PLEKHG1: variants seen among roughly 807,000 people sequenced by gnomAD.
PLEKHG1 encodes pleckstrin homology domain-containing family G member 1.
A neutral mutation model predicts 100.8 loss-of-function variants in PLEKHG1; 44 were observed. The observed-to-expected ratio is 0.44, with a 90% CI of 0.34 to 0.56. PLEKHG1 has a LOEUF of 0.56. PLEKHG1 is among the 20% of genes least tolerant of loss of function. The probability of loss-of-function intolerance (pLI) is 0.01; values close to 1 mark genes in which losing one functional copy is unlikely to be tolerated. For synonymous variants in PLEKHG1, 640 were observed against 662.5 expected (o/e 0.97, Z 0.52); for missense variants, 1,545 against 1,720.9 (o/e 0.90, Z 1.81).
At chr6:150,646,877 T>C (rs1361002167) in intron 2 of PLEKHG1, among the ~76,000 whole-genome samples, 1 of 152,204 alleles carries the variant, frequency 6.6e-6, no homozygotes, top group Non-Finnish European at 1.5e-5. Context: ...TTTCTGGAAA[T>C]TCATGGGAGG....
rs184940682 is a variant in PLEKHG1, at chr6:150,655,536, G to A, written c.-99+4750G>A. Among the ~76,000 whole-genome samples the A allele has an allele frequency of 6.0e-4, 91 of 151,818 alleles. 1 individual carries two copies. The highest frequency in any genetic ancestry group is 1.0e-3 in the South Asian group (5 of 4,800). Reference sequence around the variant, plus strand: ...ATCCTGGCTAACACGATGAAACCCCGTCTGTACTAAAAATACGAAAGATTA... The same window carrying A: ...ATCCTGGCTAACACGATGAAACCCCATCTGTACTAAAAATACGAAAGATTA... On this transcript the variant is annotated intron_variant, in intron 3 of 3. Coordinates refer to the PLEKHG1 transcript ENST00000367326.
chr6:150,676,627 G>C (rs1048895294), intron 3 of PLEKHG1, among the ~76,000 whole-genome samples: 2 of 152,200 alleles, frequency 1.3e-5, no homozygotes. Flanking sequence ...GCTAGAAGCT[G>C]TGAGAAATGG....
At chr6:150,776,846 T>C (rs1035561788) in intron 3 of PLEKHG1, among the ~76,000 whole-genome samples, 24 of 151,490 alleles carry the variant, frequency 1.6e-4, no homozygotes, top group Non-Finnish European at 3.2e-4. Context: ...CGGTTGCACA[T>C]CAGCCACACT....
chr6:150,829,048 C>T (rs1190982675), intron 14 of PLEKHG1, among the ~76,000 whole-genome samples: 1 of 152,058 alleles, frequency 6.6e-6, no homozygotes, highest in African/African-American at 2.4e-5. Context: ...TCCTCTCTTC[C>T]CTCTCTAATA....
chr6:150,807,956 G>A (rs375495513), intron 7 of PLEKHG1, among the ~76,000 whole-genome samples: 16 of 152,086 alleles, frequency 1.1e-4, no homozygotes, highest in Non-Finnish European at 5.9e-5. Context: ...ACAACAGAGC[G>A]AGACTCTGTC....
In PLEKHG1 at chr6:150,683,844, G is replaced by C. The variant is rs1427250897; in HGVS notation, c.-99+33058G>C. 6.2e-6 allele frequency: 8 copies of C among 1,285,564 alleles called. No individual in the cohort carries two copies. Among genetic ancestry groups the C allele is most frequent in the East Asian group, 1.1e-4 (2 of 17,984 alleles). 79.6% of individuals were successfully genotyped at this position (1,285,564 alleles called of 1,614,324 possible). ...TGTTCTGGGCCAAAGCATCACAGGC[G>C]AGTGAAATATGGGAATATTGAAGGG... On this transcript the variant is annotated intron_variant, in intron 3 of 3. Coordinates refer to the PLEKHG1 transcript ENST00000367326. This position sits in a 1 kb window ranked among gnomAD's most constrained non-coding sequence, Gnocchi z 4.0.
chr6:150,655,707 CAAAAAAAAAAAAA>C (rs775753925), intron 3 of PLEKHG1, among the ~76,000 whole-genome samples: 1 of 38,358 alleles, frequency 2.6e-5, no homozygotes, highest in Non-Finnish European at 5.3e-5. Context: ...GACTCCATCT[CAAAAAAAAAAAAA>C]AAAAAAAAAA....
At chr6:150,839,263 C>T (rs1183161927) in intron 15 of PLEKHG1, among the ~76,000 whole-genome samples, 2 of 152,088 alleles carry the variant, frequency 1.3e-5, no homozygotes, top group Non-Finnish European at 2.9e-5. Context: ...TACAGGTGCA[C>T]GCCACCATGC....
At position 150,831,287 on chromosome 6, in the gene PLEKHG1, G is replaced by C. The variant is rs1378064460; in HGVS notation, c.2176G>C (p.Ala726Pro). The change falls in exon 15 of 16, where the codon GCA becomes CCA. Residue 726 changes from alanine (A) to proline (P), a missense_variant. By Grantham distance (27) the Ala-to-Pro change is conservative. Coordinates refer to ENST00000358517, the Ensembl canonical transcript of PLEKHG1. The surrounding 1 kb of genome is among the most constrained non-coding windows in gnomAD (Gnocchi z 4.1). ...AGATGGCACCCTCTCAGGTGGAGAG[G>C]CATCCAGCCAAAGCACGCATGAACT... The C allele has an allele frequency of 5.6e-6, 9 of 1,614,108 alleles. No individual in the cohort carries two copies.
chr6:150,812,708 A>G (rs1397406282), intron 10 of PLEKHG1, among the ~76,000 whole-genome samples: 2 of 152,200 alleles, frequency 1.3e-5, no homozygotes, highest in African/African-American at 2.4e-5. Context: ...TGCCGAGTCC[A>G]TGAGCAGATG....
In PLEKHG1 at chr6:150,733,573, A is replaced by G; in HGVS notation, c.-98-11A>G. 6.3e-7 allele frequency: 1 copy of G among 1,590,574 alleles called. No homozygotes were observed. Among genetic ancestry groups the G allele is most frequent in the Non-Finnish European group, 8.6e-7 (1 of 1,168,834 alleles). On this transcript the variant is annotated splice_polypyrimidine_tract_variant and intron_variant, in intron 1 of 15. Coordinates refer to ENST00000358517, the Ensembl canonical transcript of PLEKHG1. ...TTATCTTGTCCTTTTTATTTTCTTT[A>G]ATGCATATAGATGGGCACCAGTTGC...
intron 2 of PLEKHG1, among the ~76,000 whole-genome samples, chr6:150,754,852 T>C (rs1344506305): frequency 2.6e-5 from 4 of 152,046 alleles, no homozygotes; most frequent in Non-Finnish European, 4.4e-5. Context: ...GTATTATTAG[T>C]AGAGACAGGA....
At chr6:150,619,568 A>C (rs1030854803) in intron 1 of PLEKHG1, among the ~76,000 whole-genome samples, 1 of 152,084 alleles carries the variant, frequency 6.6e-6, no homozygotes, top group African/African-American at 2.4e-5. Flanking sequence ...CCTGATACCC[A>C]CTGAGATGCT....
intron 1 of PLEKHG1, among the ~76,000 whole-genome samples, chr6:150,627,932 A>G (rs1186709055): frequency 6.6e-6 from 1 of 152,214 alleles, no homozygotes; most frequent in Non-Finnish European, 1.5e-5. Flanking sequence ...CTGCTGAGTA[A>G]TATGCAGGGC....
chr6:150,831,147 C>T lies in PLEKHG1; in HGVS notation c.2036C>T (p.Ala679Val), dbSNP rs532157082. ...CTAATGGTTGCTAAGCGGGAAGAAG[C>T]TGAATCCACTCCCTCTAAATCAGCC... The change falls in exon 15 of 16, where the codon GCT (alanine) becomes GTT (valine). Residue 679 changes from alanine (A) to valine (V), a missense_variant. Ala to Val is a moderately conservative substitution (Grantham distance 64). Coordinates refer to ENST00000358517, the Ensembl canonical transcript of PLEKHG1. The surrounding 1 kb of genome is among the most constrained non-coding windows in gnomAD (Gnocchi z 4.1). 1 of 1,613,836 alleles carries T rather than the reference C, an allele frequency of 6.2e-7. No homozygotes were observed. Among genetic ancestry groups the T allele is most frequent in the South Asian group, 1.1e-5 (1 of 91,040 alleles).
intron 15 of PLEKHG1, among the ~76,000 whole-genome samples, chr6:150,834,445 T>C (rs1225736928): frequency 1.3e-5 from 2 of 152,186 alleles, no homozygotes; most frequent in East Asian, 3.8e-4. Flanking sequence ...TGATGGGTTA[T>C]GCCCACAGAC....
At chr6:150,653,611 C>T (rs1293955030) in intron 3 of PLEKHG1, among the ~76,000 whole-genome samples, 4 of 151,908 alleles carry the variant, frequency 2.6e-5, no homozygotes, top group Admixed American at 6.6e-5. Context: ...CTCAGCTGGA[C>T]GTGGTGGTGA....
chr6:150,742,998 GA>G (rs1318426776), intron 2 of PLEKHG1, among the ~76,000 whole-genome samples: 1 of 152,158 alleles, frequency 6.6e-6, no homozygotes, highest in East Asian at 1.9e-4. Context: ...GAGACAGACA[GA>G]ACTGATGCAC....
intron 3 of PLEKHG1, among the ~76,000 whole-genome samples, chr6:150,703,249 T>C (rs1494308): frequency 0.92 from 140,337 of 152,116 alleles, 64,827 homozygotes; most frequent in Non-Finnish European, 0.94. Context: ...AGATTGCCCA[T>C]CAAGGGTTCT....
Sources: allele counts gnomAD v4.1 joint callset (sites outside exome capture counted in the v4.1 genomes callset), GRCh38; gene constraint gnomAD v4.1.1; non-coding constraint Gnocchi (gnomAD v3.1); transcripts MANE v1.5; gene names NCBI Gene and HGNC (gene_info 2026-07-23, HGNC 2026-07-21).